Variants in ZC3H7B observed in about 807,000 individuals in gnomAD.
ZC3H7B encodes zinc finger CCCH domain-containing protein 7B.
ZC3H7B carries 35 observed loss-of-function variants against 116.0 expected under a neutral mutation model. The ratio of observed to expected loss-of-function variants is 0.30; its 90% CI spans 0.23 to 0.40. ZC3H7B has a LOEUF of 0.40. Among genes scored for constraint, ZC3H7B ranks in the 10% least tolerant of loss-of-function variants. The probability of loss-of-function intolerance (pLI) is 1.00; values close to 1 mark genes in which losing one functional copy is unlikely to be tolerated. For missense variants in ZC3H7B, 1,011 were observed against 1,321.5 expected, an observed-to-expected ratio of 0.77 and a Z score of 3.64; for synonymous variants, 502 against 545.6, an observed-to-expected ratio of 0.92 and a Z score of 1.11.
At position 41,343,837 on chromosome 22, in the gene ZC3H7B, CCTGTGCTCTGGA is replaced by C. The variant is rs372993714; in HGVS notation, c.1459+262_1459+273del. 1.6e-3 allele frequency among the ~76,000 whole-genome samples: 244 copies of C among 152,346 alleles called. 1 individual carries two copies. Among genetic ancestry groups the C allele is most frequent in the African/African-American group, 5.4e-3 (226 of 41,586 alleles). On this transcript the variant is annotated intron_variant, in intron 13 of 22. Coordinates refer to ENST00000352645, the MANE Select transcript of ZC3H7B (RefSeq NM_017590.6). ...AGCTGGAGACCGAGCCCGTCACTGGCCTGTGCTCTGGAGTGTCAGGAGCCTACATGACTCATA... is the reference window on the plus strand; with the variant it reads ...AGCTGGAGACCGAGCCCGTCACTGGCGTGTCAGGAGCCTACATGACTCATA...
chr22:41,339,336 G>A, intron 9 of ZC3H7B, 145 bp downstream of exon 9: 1 of 1,031,476 alleles, frequency 9.7e-7, no homozygotes, highest in South Asian at 2.1e-5. Flanking sequence ...GTACAGAAAT[G>A]AAGCTGCACA....
At position 41,343,663 on chromosome 22, in the gene ZC3H7B, A is replaced by T. The variant is rs527953689; in HGVS notation, c.1459+87A>T. 1.1e-3 allele frequency: 1,574 copies of T among 1,450,926 alleles called. 5 individuals are homozygous for T. The highest frequency in any genetic ancestry group is 1.3e-3 in the Non-Finnish European group (1,461 of 1,094,992). The allele number at this position is 1,450,926 out of a possible 1,614,324, so 89.9% of individuals were successfully genotyped here. A position where few individuals can be genotyped will look rare whatever the true frequency, so the allele number is the denominator to read the frequency against. On this transcript the variant is annotated intron_variant, in intron 13 of 22. Coordinates refer to ENST00000352645, the MANE Select transcript of ZC3H7B (RefSeq NM_017590.6). The stretch of plus-strand genomic sequence containing the variant: ...CTGCTCTACTCCCCATCACAGGTAG[A>T]CAGAACAGGGGTGGGCCTCACAGCT...
chr22:41,338,028 C>T lies in ZC3H7B; in HGVS notation c.583-285C>T, dbSNP rs1197820673. ...GGTTACAGGCTCCTGCCACCATGCC[C>T]GACTAATTTTTGTATTTTTAGTAGA... On this transcript the variant is annotated intron_variant, in intron 7 of 22. Coordinates refer to ENST00000352645, the MANE Select transcript of ZC3H7B (RefSeq NM_017590.6). This position sits in a 1 kb window ranked among gnomAD's most constrained non-coding sequence, Gnocchi z 4.5. 2.6e-5 allele frequency among the ~76,000 whole-genome samples: 4 copies of T among 152,060 alleles called. No homozygotes were observed. The highest frequency in any genetic ancestry group is 7.2e-5 in the African/African-American group (3 of 41,404).
intron 1 of ZC3H7B, among the ~76,000 whole-genome samples, chr22:41,309,419 T>C (rs993883410): frequency 2.0e-5 from 3 of 152,070 alleles, no homozygotes; most frequent in Non-Finnish European, 4.4e-5. Flanking sequence ...GTTCAAGTGA[T>C]TCTCCTGCCT....
chr22:41,309,382 C>T (rs1004970105), intron 1 of ZC3H7B, among the ~76,000 whole-genome samples: 2 of 151,126 alleles, frequency 1.3e-5, no homozygotes, highest in South Asian at 2.1e-4. Context: ...GGTGTGATCT[C>T]GGCTCACTGC....
In ZC3H7B at chr22:41,346,089, C is replaced by T. The variant is rs1349195059; in HGVS notation, c.1546C>T (p.Arg516Trp). 1.2e-6 allele frequency: 2 copies of T among 1,613,848 alleles called. No homozygotes were observed. The highest frequency in any genetic ancestry group is 2.2e-5 in the East Asian group (1 of 44,876). Reference protein sequence around the residue: ...QEEIDVWTEERKGTLNRDLLF... With the variant: ...QEEIDVWTEEWKGTLNRDLLF... ...GGAGATCGACGTGTGGACCGAGGAG[C>T]GGAAGGGCACCCTCAACCGCGACCT... The change falls in exon 14 of 23, where the codon CGG (arginine) becomes TGG (tryptophan). Residue 516 changes from arginine (R) to tryptophan (W), a missense_variant. Physicochemically the swap from Arg to Trp is moderately radical, Grantham distance 101. Around this residue, in one of 5 missense-constraint regions of ZC3H7B, gnomAD observed 179 missense variants for 178.5 expected, o/e 1.00. Coordinates refer to ENST00000352645, the MANE Select transcript of ZC3H7B (RefSeq NM_017590.6). This position sits in a 1 kb window ranked among gnomAD's most constrained non-coding sequence, Gnocchi z 5.3.
chr22:41,356,336 T>C lies in ZC3H7B; in HGVS notation c.2384-7T>C, dbSNP rs1178269445. On this transcript the variant is annotated splice_polypyrimidine_tract_variant and splice_region_variant and intron_variant, in intron 20 of 22. Transcript: ENST00000352645. ...CAGCAGGTGCCCTGTCCCTGTCCCCTGCCCAGTCCTGGACATGCAGCAGAC... is the reference window on the plus strand; with the variant it reads ...CAGCAGGTGCCCTGTCCCTGTCCCCCGCCCAGTCCTGGACATGCAGCAGAC... 1.9e-6 allele frequency: 3 copies of C among 1,614,012 alleles called. No homozygotes were observed. The highest frequency in any genetic ancestry group is 1.7e-5 in the Admixed American group (1 of 60,026).
intron 17 of ZC3H7B, among the ~76,000 whole-genome samples, chr22:41,354,619 A>G (rs1236882317): frequency 6.6e-6 from 1 of 152,108 alleles, no homozygotes; most frequent in Non-Finnish European, 1.5e-5. Context: ...TTGAGGTTAT[A>G]TGAGGGAGAG....
rs967272257 is a variant in ZC3H7B at position 41,349,228 on chromosome 22, C to T, written c.1875C>T (p.Cys625=). 4 of 1,613,562 alleles carry T rather than the reference C, an allele frequency of 2.5e-6. No individual in the cohort carries two copies. Among genetic ancestry groups the T allele is most frequent in the Admixed American group, 3.3e-5 (2 of 60,020 alleles). ...GCCGCCATGAGGTGCGCTACGGCTG[C>T]CTGCGGGAGGACAGCTGCCACTTCG... ...DVCRHEVRYG[C]LREDSCHFAH... Residue 625 remains cysteine (C), a synonymous_variant, in exon 16 of 23, where the codon TGC becomes TGT. Transcript: ENST00000352645. This position sits in a 1 kb window ranked among gnomAD's most constrained non-coding sequence, Gnocchi z 4.9.
At chr22:41,310,146 A>G (rs539288772) in intron 1 of ZC3H7B, among the ~76,000 whole-genome samples, 10 of 152,320 alleles carry the variant, frequency 6.6e-5, no homozygotes, top group Non-Finnish European at 1.2e-4. Flanking sequence ...CGGAGCTTAC[A>G]GTGAGCAGAG....
chr22:41,303,139 G>A lies in ZC3H7B; in HGVS notation c.-7+1367G>A, dbSNP rs140893608. The stretch of plus-strand genomic sequence containing the variant: ...CCCTCCGTGGTGGTCTTCTTTCCCC[G>A]TGTCCACCTCCCACAGAAGTTGGAC... On this transcript the variant is annotated intron_variant, in intron 1 of 22. Transcript: ENST00000352645. 1.6e-4 allele frequency among the ~76,000 whole-genome samples: 24 copies of A among 152,170 alleles called. No homozygotes were observed. In the East Asian group the frequency reaches 4.2e-3, roughly 27 times the overall value.
chr22:41,352,937 G>A (rs1237166335), intron 17 of ZC3H7B, among the ~76,000 whole-genome samples: 3 of 151,748 alleles, frequency 2.0e-5, no homozygotes, highest in East Asian at 1.9e-4. Flanking sequence ...AAAATTAGCC[G>A]GGCATGGTGG....
chr22:41,319,585 A>C (rs2036228809), intron 1 of ZC3H7B, among the ~76,000 whole-genome samples: 1 of 151,306 alleles, frequency 6.6e-6, no homozygotes, highest in Non-Finnish European at 1.5e-5. Flanking sequence ...AAAAAAAAAA[A>C]AAAAGGTCAA....
chr22:41,316,023 G>C (rs1036112377), intron 1 of ZC3H7B, among the ~76,000 whole-genome samples: 2 of 143,126 alleles, frequency 1.4e-5, no homozygotes, highest in African/African-American at 5.3e-5. Context: ...TTTCTCCCTT[G>C]TTTCTTGTTG....
intron 2 of ZC3H7B, among the ~76,000 whole-genome samples, chr22:41,321,737 A>C (rs2036258755): frequency 6.6e-6 from 1 of 151,806 alleles, no homozygotes. Flanking sequence ...TGAGACTCAC[A>C]GAGGTTAAGC....
At position 41,353,212 on chromosome 22, in the gene ZC3H7B, T is replaced by C. The variant is rs189693301; in HGVS notation, c.2034+1566T>C. 1.1e-3 allele frequency among the ~76,000 whole-genome samples: 175 copies of C among 152,360 alleles called. 1 individual carries two copies. The highest frequency in any genetic ancestry group is 6.8e-3 in the Middle Eastern group (2 of 294). On this transcript the variant is annotated intron_variant, in intron 17 of 22. Coordinates refer to ENST00000352645, the MANE Select transcript of ZC3H7B (RefSeq NM_017590.6). ...TCCCTCCTGATCTTCGCCATGGTCCTGAAGAGAGCATGGGATTGTGGCATT... is the reference window on the plus strand; with the variant it reads ...TCCCTCCTGATCTTCGCCATGGTCCCGAAGAGAGCATGGGATTGTGGCATT...
chr22:41,356,575 A>G (rs1162027969), intron 21 of ZC3H7B, 70 bp from the exon 22 acceptor site: 5 of 1,609,754 alleles, frequency 3.1e-6, no homozygotes, highest in Non-Finnish European at 4.2e-6. Context: ...GCCAGCGCTC[A>G]GCCTCTCCGA....
Position 41,355,583 on chromosome 22 carries a change from A to C in ZC3H7B, c.2149A>C (p.Ser717Arg), listed in dbSNP as rs765293879. 1 of 1,614,056 alleles carries C rather than the reference A, an allele frequency of 6.2e-7. No homozygotes were observed. The highest frequency in any genetic ancestry group is 1.3e-5 in the African/African-American group (1 of 74,928). Residue 717 changes from serine (S) to arginine (R), a missense_variant, in exon 18 of 23, where the codon AGT becomes CGT. This residue lies in a region of ZC3H7B where 406 missense variants were observed against 590.2 expected (regional missense o/e 0.69). Transcript: ENST00000352645. Reference protein sequence around the residue: ...VEPDKDLKYCSAKARHCWTKE... With the variant: ...VEPDKDLKYCRAKARHCWTKE... ...GCCTGACAAGGACCTCAAGTACTGTAGTGCCAAGGCCCGGCACTGGTGAGT... is the reference window on the plus strand; with the variant it reads ...GCCTGACAAGGACCTCAAGTACTGTCGTGCCAAGGCCCGGCACTGGTGAGT...
rs142365909 is a variant in ZC3H7B at position 41,339,188 on chromosome 22, G to A, written c.813G>A (p.Ser271=). 45 of 1,605,292 alleles carry A rather than the reference G, an allele frequency of 2.8e-5. No individual in the cohort carries two copies. Among genetic ancestry groups the A allele is most frequent in the Non-Finnish European group, 3.6e-5 (42 of 1,175,310 alleles). Residue 271 remains serine, a synonymous_variant, in exon 9 of 23, where the codon TCG becomes TCA. Transcript: ENST00000352645. ...CAGAGCTGGACACCCTCCTGGACTCGCTGGTGAGCCACACCACCCTCCTTG... is the reference window on the plus strand; with the variant it reads ...CAGAGCTGGACACCCTCCTGGACTCACTGGTGAGCCACACCACCCTCCTTG... ...FGPELDTLLD[S]LSLVQGGLSG...
Sources: gnomAD v4.1 joint callset for allele counts (sites outside exome capture counted in the v4.1 genomes callset) on GRCh38, gnomAD v4.1.1 for gene constraint, gnomAD v4.1.1 regional missense constraint, Gnocchi (gnomAD v3.1) non-coding constraint, MANE v1.5 for transcripts, NCBI Gene and HGNC (gene_info 2026-07-23, HGNC 2026-07-21) for gene names.